Variants in BCL6 observed in about 807,000 individuals in gnomAD.
BCL6 encodes BCL6 transcription repressor.
BCL6 carries 7 observed loss-of-function variants against 59.5 expected under a neutral mutation model. The ratio of observed to expected loss-of-function variants is 0.12; its 90% CI spans 0.07 to 0.22. BCL6 has a LOEUF of 0.22. Among genes scored for constraint, BCL6 ranks in the 10% least tolerant of loss-of-function variants. BCL6 has a pLI of 1.00. For missense variants in BCL6, 685 were observed against 939.4 expected (o/e 0.73, Z 3.54); for synonymous variants, 339 against 349.7 (o/e 0.97, Z 0.34).
chr3:187,724,829 G>C lies in BCL6; in HGVS notation c.1977+112C>G, dbSNP rs1412376639. The C allele has an allele frequency of 2.8e-6, 4 of 1,446,036 alleles. No individual in the cohort carries two copies. In the South Asian group the frequency reaches 3.9e-5, roughly 14 times the overall value. The allele number at this position is 1,446,036 out of a possible 1,614,324, so 89.6% of individuals were successfully genotyped here. A position where few individuals can be genotyped will look rare whatever the true frequency, so the allele number is the denominator to read the frequency against. On this transcript the variant is annotated intron_variant, in intron 9 of 9. Transcript: ENST00000406870. ...GTTGCCCCACTGTGTGCTTGAGATGGGAGCAAACAGTTCCACTGCCTCCCT... is the reference window on the plus strand; with the variant it reads ...GTTGCCCCACTGTGTGCTTGAGATGCGAGCAAACAGTTCCACTGCCTCCCT...
chr3:187,736,435 GGATCCTC>G (rs1276401987), intron 1 of BCL6: 6 of 152,102 alleles, frequency 3.9e-5, no homozygotes, highest in African/African-American at 1.4e-4. Flanking sequence ...TTCATGGAAG[GGATCCTC>G]AAACACTTCT....
chr3:187,739,011 A>G (rs1711504481), intron 1 of BCL6, among the ~76,000 whole-genome samples: 1 of 152,190 alleles, frequency 6.6e-6, no homozygotes, highest in African/African-American at 2.4e-5. Flanking sequence ...AGAGCCCTCC[A>G]TCAAGGTTTG....
Position 187,725,832 on chromosome 3 carries a change from G to T in BCL6, c.1709-203C>A, listed in dbSNP as rs1269358550. ...TCTCACACACGCACCTGCATACCTCGCAGGGGACCAGGGCCAAGAAACAAG... is the reference window on the plus strand; with the variant it reads ...TCTCACACACGCACCTGCATACCTCTCAGGGGACCAGGGCCAAGAAACAAG... On this transcript the variant is annotated intron_variant, in intron 7 of 9. Transcript: ENST00000406870. The surrounding 1 kb of genome is among the most constrained non-coding windows in gnomAD (Gnocchi z 4.7). Among the ~76,000 whole-genome samples the T allele has an allele frequency of 2.0e-5, 3 of 152,144 alleles. No individual in the cohort carries two copies. The highest frequency in any genetic ancestry group is 4.4e-5 in the Non-Finnish European group (3 of 68,034).
chr3:187,737,232 A>T (rs1719320126), intron 1 of BCL6: 1 of 151,816 alleles, frequency 6.6e-6, no homozygotes, highest in Non-Finnish European at 1.5e-5. Flanking sequence ...TTCCTTGTGC[A>T]TAGCCAACTA....
At position 187,733,549 on chromosome 3, in the gene BCL6, C is replaced by T; in HGVS notation, c.145G>A (p.Val49Ile). ...ATCCCTCACCTGCAGGCCATGAGGA[C>T]CGTTTTATGGGCTCTAAACTGCTCA... ...SREQFRAHKTVLMACSGLFYS... is the reference protein window; with the variant it reads ...SREQFRAHKTILMACSGLFYS... Residue 49 changes from valine to isoleucine, a missense_variant, in exon 3 of 10, where the codon GTC becomes ATC. Val to Ile is a conservative substitution (Grantham distance 29). This residue lies in a region of BCL6 where 102 missense variants were observed against 176.6 expected (regional missense o/e 0.58). Transcript: ENST00000406870. The T allele has an allele frequency of 6.2e-7, 1 of 1,613,934 alleles. No individual in the cohort carries two copies. Among genetic ancestry groups the T allele is most frequent in the Non-Finnish European group, 8.5e-7 (1 of 1,179,904 alleles).
At position 187,725,286 on chromosome 3, in the gene BCL6, T is replaced by G. The variant is rs1324376243; in HGVS notation, c.1840-208A>C. Among the ~76,000 whole-genome samples, 1 of 146,300 alleles carries G rather than the reference T, an allele frequency of 6.8e-6. No homozygotes were observed. Among genetic ancestry groups the G allele is most frequent in the Non-Finnish European group, 1.5e-5 (1 of 65,472 alleles). The stretch of plus-strand genomic sequence containing the variant: ...GCCCACTCTGCTCACCTACCCGCTC[T>G]GCTCACCTGCCCGCTCTGCTCACCT... On this transcript the variant is annotated intron_variant, in intron 8 of 9. Coordinates refer to ENST00000406870, the MANE Select transcript of BCL6 (RefSeq NM_001706.5). This position sits in a 1 kb window ranked among gnomAD's most constrained non-coding sequence, Gnocchi z 4.7.
intron 1 of BCL6, among the ~76,000 whole-genome samples, chr3:187,745,199 C>T (rs561233539): frequency 1.3e-5 from 2 of 152,208 alleles, no homozygotes; most frequent in East Asian, 1.9e-4. Flanking sequence ...TTTATTTTAA[C>T]ACCTGACAGC....
At chr3:187,744,900 CAGAA>C (rs746035505) in intron 1 of BCL6, among the ~76,000 whole-genome samples, 38 of 152,088 alleles carry the variant, frequency 2.5e-4, no homozygotes, top group Non-Finnish European at 3.1e-4. Flanking sequence ...CAAGCAGCAG[CAGAA>C]AGAGCGAGAG....
intron 6 of BCL6, among the ~76,000 whole-genome samples, chr3:187,727,756 T>C (rs565029412): frequency 4.1e-4 from 63 of 152,348 alleles, no homozygotes; most frequent in South Asian, 2.3e-3. Flanking sequence ...TTTACCCTGA[T>C]TAGGTACTAC....
intron 1 of BCL6, among the ~76,000 whole-genome samples, chr3:187,740,690 C>T (rs1711553935): frequency 6.6e-6 from 1 of 152,226 alleles, no homozygotes; most frequent in Non-Finnish European, 1.5e-5. Flanking sequence ...GTTTCCTCAA[C>T]TGCAAAACAG....
intron 1 of BCL6, among the ~76,000 whole-genome samples, chr3:187,739,523 G>A (rs776239008): frequency 6.6e-6 from 1 of 152,206 alleles, no homozygotes; most frequent in Admixed American, 6.5e-5. Context: ...GATAACCGAG[G>A]TGTTCGGGGA....
intron 7 of BCL6, among the ~76,000 whole-genome samples, chr3:187,726,189 C>T (rs1718685570): frequency 6.6e-6 from 1 of 152,096 alleles, no homozygotes; most frequent in African/African-American, 2.4e-5. Flanking sequence ...ATTCCATTTG[C>T]AAGAGGGGTG....
chr3:187,739,375 G>A (rs1270654794), intron 1 of BCL6, among the ~76,000 whole-genome samples: 1 of 152,224 alleles, frequency 6.6e-6, no homozygotes, highest in African/African-American at 2.4e-5. Context: ...GCGGCAGGGG[G>A]TGAGGTCAAA....
chr3:187,736,706 TC>T (rs1386339467), intron 1 of BCL6: 1 of 152,044 alleles, frequency 6.6e-6, no homozygotes, highest in Non-Finnish European at 1.5e-5. Flanking sequence ...CAGGTCCTTC[TC>T]AAGTTCACTC....
intron 1 of BCL6, among the ~76,000 whole-genome samples, chr3:187,738,459 A>G (rs1719392045): frequency 6.6e-6 from 1 of 152,198 alleles, no homozygotes; most frequent in Admixed American, 6.5e-5. Flanking sequence ...AGGAGCTGCC[A>G]AGCCGTAAGG....
Position 187,729,236 on chromosome 3 carries a change from G to A in BCL6, c.1169C>T (p.Ala390Val). Reference protein sequence around the residue: ...FIVLNSLNQNAKPEGPEQAEL... With the variant: ...FIVLNSLNQNVKPEGPEQAEL... ...AGCCTGCTCAGGCCCCTCTGGTTTG[G>A]CATTCTGGTTGAGGCTGTTGAGCAC... The change falls in exon 5 of 10, where the codon GCC (alanine) becomes GTC (valine). Residue 390 changes from alanine to valine, a missense_variant. Physicochemically the swap from Ala to Val is moderately conservative, Grantham distance 64. This residue lies in a region of BCL6 where 207 missense variants were observed against 213.7 expected (regional missense o/e 0.97). Coordinates refer to ENST00000406870, the MANE Select transcript of BCL6 (RefSeq NM_001706.5). The surrounding 1 kb of genome is among the most constrained non-coding windows in gnomAD (Gnocchi z 5.6). The A allele has an allele frequency of 6.2e-7, 1 of 1,614,146 alleles. No homozygotes were observed.
intron 1 of BCL6, among the ~76,000 whole-genome samples, chr3:187,745,140 T>G (rs1711873266): frequency 5.3e-5 from 8 of 151,966 alleles, no homozygotes; most frequent in South Asian, 2.1e-4. Flanking sequence ...AATAAATACA[T>G]AACAATCTAT....
chr3:187,740,456 C>T (rs910381724), intron 1 of BCL6, among the ~76,000 whole-genome samples: 1 of 152,060 alleles, frequency 6.6e-6, no homozygotes, highest in Non-Finnish European at 1.5e-5. Context: ...TAAAAAAAAT[C>T]CTCCAAGACT....
intron 1 of BCL6, among the ~76,000 whole-genome samples, chr3:187,743,443 C>G (rs2108481857): frequency 1.3e-5 from 2 of 152,138 alleles, no homozygotes; most frequent in South Asian, 2.1e-4. Flanking sequence ...CATTTATCTG[C>G]TCAACTGTCA....
Sources: gnomAD v4.1 joint callset for allele counts (sites outside exome capture counted in the v4.1 genomes callset) on GRCh38, gnomAD v4.1.1 for gene constraint, gnomAD v4.1.1 regional missense constraint, Gnocchi (gnomAD v3.1) non-coding constraint, MANE v1.5 for transcripts, NCBI Gene and HGNC (gene_info 2026-07-23, HGNC 2026-07-21) for gene names.